Variants in ADGRF3 observed in about 807,000 individuals in gnomAD.
ADGRF3 encodes adhesion G protein-coupled receptor F3, also known as G protein-coupled receptor 113.
ADGRF3 carries 85 observed loss-of-function variants against 93.2 expected under a neutral mutation model. The ratio of observed to expected loss-of-function variants is 0.91; its 90% confidence interval spans 0.77 to 1.09. The LOEUF is 1.09. Among genes scored for constraint, ADGRF3 ranks in the 50% least tolerant of loss-of-function variants. The probability of loss-of-function intolerance (pLI) is 0.00; values close to 1 mark genes in which losing one functional copy is unlikely to be tolerated. For missense variants in ADGRF3, 1,125 were observed against 1,246.2 expected, an observed-to-expected ratio of 0.90 and a Z score of 1.46; for synonymous variants, 534 against 532.5, an observed-to-expected ratio of 1.00 and a Z score of -0.04.
intron 1 of ADGRF3, among the ~76,000 whole-genome samples, chr2:26,324,206 G>A (rs1424015481): frequency 2.6e-5 from 4 of 152,106 alleles, no homozygotes; most frequent in African/African-American, 7.2e-5. Flanking sequence ...AGCTGTGATC[G>A]TGCCACTGCA....
At chr2:26,323,799 T>C (rs925926509) in intron 1 of ADGRF3, among the ~76,000 whole-genome samples, 2 of 151,368 alleles carry the variant, frequency 1.3e-5, no homozygotes, top group African/African-American at 2.4e-5. Flanking sequence ...CCAGATAATT[T>C]TGTATTTTTA....
Position 26,315,412 on chromosome 2 carries a change from A to G in ADGRF3, c.718+110T>C, listed in dbSNP as rs1674558880. ...AGGTGGAAAGAAAAGAAGGAAGGAG[A>G]AGGGAGGGAGGCGTGGGAAGAAGAG... On this transcript the variant is annotated intron_variant, in intron 5 of 13. Transcript: ENST00000651242. 4.4e-6 allele frequency: 5 copies of G among 1,143,248 alleles called. No individual in the cohort carries two copies. In the East Asian group the frequency reaches 1.0e-4, roughly 24 times the overall value. The allele number at this position is 1,143,248 out of a possible 1,614,324, so 70.8% of individuals were successfully genotyped here.
chr2:26,310,336 CTCA>C, intron 10 of ADGRF3, 99 bp from the exon 11 acceptor site: 1 of 1,347,300 alleles, frequency 7.4e-7, no homozygotes, highest in Non-Finnish European at 1.0e-6. Flanking sequence ...CCTAAGGCTT[CTCA>C]TCTCAATTTT....
At chr2:26,336,212 G>C (rs979528370) in intron 1 of ADGRF3, among the ~76,000 whole-genome samples, 6 of 152,162 alleles carry the variant, frequency 3.9e-5, no homozygotes, top group Admixed American at 2.6e-4. Flanking sequence ...CTTGAAGATT[G>C]AGAGGGAGTT....
chr2:26,315,824 T>C (rs1332073106), intron 4 of ADGRF3, 84 bp from the exon 5 acceptor site: 1 of 1,525,748 alleles, frequency 6.6e-7, no homozygotes, highest in Non-Finnish European at 8.8e-7. Flanking sequence ...CTCCCCTGAC[T>C]CTGGAGCCCA....
intron 1 of ADGRF3, among the ~76,000 whole-genome samples, chr2:26,332,058 T>C (rs1240100766): frequency 6.6e-6 from 1 of 152,228 alleles, no homozygotes; most frequent in Non-Finnish European, 1.5e-5. Context: ...ACCACTTATT[T>C]AGAAAGTTTC....
chr2:26,312,081 C>A lies in ADGRF3; in HGVS notation c.1450-7G>T. The A allele has an allele frequency of 6.3e-7, 1 of 1,597,484 alleles. No individual in the cohort carries two copies. The highest frequency in any genetic ancestry group is 8.5e-7 in the Non-Finnish European group (1 of 1,173,956). ...CTGTGGCAATCAGGAGATTCTGCAGCACCCAAAAGAAAGATGAACCCCGTC... is the reference window on the plus strand; with the variant it reads ...CTGTGGCAATCAGGAGATTCTGCAGAACCCAAAAGAAAGATGAACCCCGTC... On this transcript the variant is annotated splice_region_variant and splice_polypyrimidine_tract_variant and intron_variant, in intron 9 of 13. Coordinates refer to ENST00000651242, the MANE Select transcript of ADGRF3 (RefSeq NM_001321971.2).
intron 1 of ADGRF3, among the ~76,000 whole-genome samples, chr2:26,321,680 A>G (rs995454932): frequency 1.3e-5 from 2 of 152,128 alleles, no homozygotes; most frequent in Admixed American, 1.3e-4. Context: ...GACATTAGAA[A>G]GCTAATAGAG....
intron 1 of ADGRF3, among the ~76,000 whole-genome samples, chr2:26,338,949 A>C (rs1243872433): frequency 6.6e-6 from 1 of 150,552 alleles, no homozygotes; most frequent in Non-Finnish European, 1.5e-5. Context: ...CATCCTGGCC[A>C]ACATGGTGAA....
intron 1 of ADGRF3, among the ~76,000 whole-genome samples, chr2:26,330,739 G>GGGGGTTTCTTC (rs1408914301): frequency 2.6e-5 from 4 of 152,164 alleles, no homozygotes; most frequent in Non-Finnish European, 4.4e-5. Context: ...TTCTTCTGTA[G>GGGGGTTTCTTC]TTCTGTCTGT....
Position 26,315,741 on chromosome 2 carries a change from C to A in ADGRF3, c.500-1G>T. The stretch of plus-strand genomic sequence containing the variant: ...GAGTTCAGGTTGAGGATCCCGGGGA[C>A]TGCAGGGAGGCAGGTGACAGGGGAC... On this transcript the variant is annotated splice_acceptor_variant, in intron 4 of 13. Coordinates refer to ENST00000651242, the MANE Select transcript of ADGRF3 (RefSeq NM_001321971.2). LOFTEE classifies it high-confidence loss of function. 6.4e-7 allele frequency: 1 copy of A among 1,551,180 alleles called. No homozygotes were observed. Among genetic ancestry groups the A allele is most frequent in the South Asian group, 1.2e-5 (1 of 84,028 alleles).
chr2:26,317,469 CCCT>C (rs776660821), intron 2 of ADGRF3, 24 bp downstream of exon 2: 2 of 1,570,874 alleles, frequency 1.3e-6, no homozygotes, highest in Admixed American at 1.9e-5. Flanking sequence ...TCCTCCCCCT[CCCT>C]CCTCCTCCTG....
intron 1 of ADGRF3, among the ~76,000 whole-genome samples, chr2:26,331,606 C>T (rs1675772720): frequency 1.3e-5 from 2 of 152,082 alleles, no homozygotes; most frequent in South Asian, 2.1e-4. Context: ...GGTGTGTACC[C>T]GTAATCCCAG....
chr2:26,345,944 G>A, intron 1 of ADGRF3, 177 bp downstream of exon 1: 1 of 620,442 alleles, frequency 1.6e-6, no homozygotes. Flanking sequence ...GGGACTTAGT[G>A]TTGCCTGATC....
chr2:26,316,795 G>C, intron 3 of ADGRF3, 117 bp downstream of exon 3: 1 of 1,172,618 alleles, frequency 8.5e-7, no homozygotes, highest in Non-Finnish European at 1.2e-6. Context: ...GACAGAACCA[G>C]GCAGCCCTTC....
intron 1 of ADGRF3, among the ~76,000 whole-genome samples, chr2:26,334,853 C>T (rs956806890): frequency 3.3e-5 from 5 of 152,164 alleles, no homozygotes; most frequent in Admixed American, 1.3e-4. Context: ...TTTTAAGCAA[C>T]TTTATCTACA....
rs920923152 is a variant in ADGRF3 at position 26,314,847 on chromosome 2, C to T, written c.719-224G>A. 6.7e-5 allele frequency: 38 copies of T among 566,758 alleles called. 1 individual carries two copies. In the Middle Eastern group the frequency reaches 3.2e-3, roughly 48 times the overall value. 35.1% of individuals were successfully genotyped at this position (566,758 alleles called of 1,614,324 possible). ...GATCTCTCTTTTATCGGCCCATGCC[C>T]GTGAATTTCATGCTCTCCCTAGAGC... is the stretch of plus-strand genomic sequence containing the variant. On this transcript the variant is annotated intron_variant, in intron 5 of 13. Coordinates refer to ENST00000651242, the MANE Select transcript of ADGRF3 (RefSeq NM_001321971.2).
chr2:26,336,310 T>G (rs1676028896), intron 1 of ADGRF3, among the ~76,000 whole-genome samples: 1 of 55,390 alleles, frequency 1.8e-5, no homozygotes, highest in Admixed American at 1.5e-4. Flanking sequence ...TCTGGGGAGA[T>G]CAAGAGTGTG....
At position 26,310,112 on chromosome 2, in the gene ADGRF3, G is replaced by A. The variant is rs1673927334; in HGVS notation, c.2875-7C>T. On this transcript the variant is annotated splice_region_variant and splice_polypyrimidine_tract_variant and intron_variant, in intron 11 of 13. Transcript: ENST00000651242. Reference sequence around the variant, plus strand: ...TGCGCAAAGCTTCTTGTATCTGCGGGAGAGGTAAATGCTCTGCTTATGCCA... The same window carrying A: ...TGCGCAAAGCTTCTTGTATCTGCGGAAGAGGTAAATGCTCTGCTTATGCCA... The A allele has an allele frequency of 6.2e-7, 1 of 1,614,070 alleles. No individual in the cohort carries two copies. Among genetic ancestry groups the A allele is most frequent in the Non-Finnish European group, 8.5e-7 (1 of 1,179,908 alleles).
Sources: gnomAD v4.1 joint callset for allele counts (sites outside exome capture counted in the v4.1 genomes callset) on GRCh38, gnomAD v4.1.1 for gene constraint, MANE v1.5 for transcripts, NCBI Gene and HGNC (gene_info 2026-07-23, HGNC 2026-07-21) for gene names.